AGO2: variants seen among roughly 807,000 people sequenced by gnomAD.
The protein encoded by AGO2 is argonaute RISC catalytic component 2, also known as protein argonaute-2.
AGO2 carries 5 observed loss-of-function variants against 102.3 expected under a neutral mutation model. That is an observed-to-expected ratio of 0.05 (90% CI 0.03 to 0.10). The LOEUF (loss-of-function observed/expected upper bound fraction) is 0.10. Ranked by LOEUF, AGO2 falls within the 10% of genes least tolerant of loss-of-function variation. The pLI is 1.00. For missense variants in AGO2, 541 were observed against 1,183.7 expected, an observed-to-expected ratio of 0.46 and a Z score of 7.97; for synonymous variants, 449 against 473.1, an observed-to-expected ratio of 0.95 and a Z score of 0.66.
At position 140,614,015 on chromosome 8, in the gene AGO2, CAAAAAAAAAAAAA is replaced by C. The variant is rs59000809; in HGVS notation, c.22+21457_22+21469del. Among the ~76,000 whole-genome samples the C allele has an allele frequency of 4.1e-3, 239 of 57,644 alleles. 3 individuals carry two copies. Among genetic ancestry groups the C allele is most frequent in the African/African-American group, 0.016 (225 of 14,026 alleles). The allele number at this position is 57,644 out of a possible 152,430, so 37.8% of individuals were successfully genotyped here. ...TGGGCAACAGAGCAAGACCCTGTCT[CAAAAAAAAAAAAA>C]AAAAAAAAAAAAGGCCAGACACGGT... On this transcript the variant is annotated intron_variant, in intron 1 of 18. Transcript: ENST00000220592.
At chr8:140,563,960 T>C (rs1242806501) in intron 3 of AGO2, among the ~76,000 whole-genome samples, 2 of 152,214 alleles carry the variant, frequency 1.3e-5, no homozygotes, top group African/African-American at 2.4e-5. Flanking sequence ...CCTGCACACC[T>C]GGGTCCCAGG....
rs747025316 is a variant in AGO2 at position 140,555,944 on chromosome 8, G to A, written c.1221C>T (p.Asp407=). The A allele has an allele frequency of 2.3e-5, 37 of 1,614,082 alleles. No homozygotes were observed. In the South Asian group the frequency reaches 2.3e-4, roughly 10 times the overall value. ...GCGGCTGCAGCACCCGCCCAGTCAC[G>A]TCTGTCATCTCATCTTTGACCATGA... ...FGIMVKDEMT[D]VTGRVLQPPS... is the part of the protein sequence containing the mutation. The change falls in exon 10 of 19, where the codon GAC becomes GAT. Residue 407 remains aspartate, a synonymous_variant. Transcript: ENST00000220592.
intron 1 of AGO2, among the ~76,000 whole-genome samples, chr8:140,605,496 G>A (rs564918975): frequency 7.9e-5 from 12 of 152,358 alleles, no homozygotes; most frequent in Non-Finnish European, 1.6e-4. Flanking sequence ...AGACGGGGGT[G>A]CAGGGCTCTG....
At position 140,635,468 on chromosome 8, in the gene AGO2, C is replaced by G. The variant is rs1312832817; in HGVS notation, c.22+17G>C. The stretch of plus-strand genomic sequence containing the variant: ...CGCGCGAACGGCCGGGCGGGCGCCC[C>G]GAGCGCCAGGACTCACCGGGGCCGG... On this transcript the variant is annotated intron_variant, in intron 1 of 18. Coordinates refer to ENST00000220592, the MANE Select transcript of AGO2 (RefSeq NM_012154.5). 8 of 980,118 alleles carry G rather than the reference C, an allele frequency of 8.2e-6. No homozygotes were observed. The highest frequency in any genetic ancestry group is 9.7e-6 in the Non-Finnish European group (8 of 827,814). The allele number at this position is 980,118 out of a possible 1,614,324, so 60.7% of individuals were successfully genotyped here.
upstream of AGO2, chr8:140,638,291 T>C (rs1445890987): frequency 6.6e-6 from 1 of 152,264 alleles, no homozygotes; most frequent in Non-Finnish European, 1.5e-5. Context: ...AAACATGTTC[T>C]GCACATGATT....
At chr8:140,549,424 G>GT in intron 11 of AGO2, 126 bp from the exon 12 acceptor site, 1 of 920,348 alleles carries the variant, frequency 1.1e-6, no homozygotes. Context: ...GGTCAAAATT[G>GT]TTCTTAAAGT....
intron 1 of AGO2, among the ~76,000 whole-genome samples, chr8:140,617,157 AAAC>A (rs777032450): frequency 5.3e-5 from 8 of 152,202 alleles, no homozygotes; most frequent in Non-Finnish European, 1.0e-4. Flanking sequence ...TATGTAAGAG[AAAC>A]AACAACAACA....
At chr8:140,618,150 G>A (rs572151063) in intron 1 of AGO2, among the ~76,000 whole-genome samples, 1 of 151,952 alleles carries the variant, frequency 6.6e-6, no homozygotes, top group Non-Finnish European at 1.5e-5. Context: ...GTGAAACCCC[G>A]TCTCTACTAA....
chr8:140,591,410 G>A (rs2073744687), intron 1 of AGO2, among the ~76,000 whole-genome samples: 1 of 152,210 alleles, frequency 6.6e-6, no homozygotes, highest in South Asian at 2.1e-4. Flanking sequence ...GCCGACACAG[G>A]CAGCCTGCGC....
intron 1 of AGO2, among the ~76,000 whole-genome samples, chr8:140,602,431 A>G (rs182774558): frequency 6.6e-6 from 1 of 152,378 alleles, no homozygotes; most frequent in East Asian, 1.9e-4. Context: ...ATCTTAAATT[A>G]CAATCACTGT....
intron 1 of AGO2, among the ~76,000 whole-genome samples, chr8:140,612,217 T>C (rs2074088298): frequency 2.1e-5 from 2 of 95,252 alleles, no homozygotes; most frequent in South Asian, 4.0e-4. Context: ...CGAGACTCTG[T>C]CTCAAAAAAA....
At position 140,589,875 on chromosome 8, in the gene AGO2, C is replaced by A. The variant is rs1177574875; in HGVS notation, c.23-4564G>T. ...AGTAGATGCTATCAAGCTGTACTCT[C>A]CTGCTAAAATCAGGACACGAGGGTG... On this transcript the variant is annotated intron_variant, in intron 1 of 18. Transcript: ENST00000220592. This position sits in a 1 kb window ranked among gnomAD's most constrained non-coding sequence, Gnocchi z 4.2. 6.6e-6 allele frequency among the ~76,000 whole-genome samples: 1 copy of A among 152,284 alleles called. No individual in the cohort carries two copies. Among genetic ancestry groups the A allele is most frequent in the African/African-American group, 2.4e-5 (1 of 41,558 alleles).
intron 1 of AGO2, among the ~76,000 whole-genome samples, chr8:140,607,210 T>C (rs2074009164): frequency 6.6e-6 from 1 of 151,298 alleles, no homozygotes; most frequent in Non-Finnish European, 1.5e-5. Context: ...GATCATGTCA[T>C]TGCACTCCAA....
rs2072494273 is a variant in AGO2, at chr8:140,525,781, T to A, written c.*6263A>T. ...GCGCTAACCTCAAGATCGGGCAACA[T>A]ATGGAACCCAAAGAAAGAAGCGAAG... On this transcript the variant is annotated 3_prime_UTR_variant, in exon 19 of 19. Transcript: ENST00000220592. The A allele has an allele frequency of 6.6e-6, 1 of 152,050 alleles. No individual in the cohort carries two copies. Among genetic ancestry groups the A allele is most frequent in the African/African-American group, 2.4e-5 (1 of 41,366 alleles). 9.4% of individuals were successfully genotyped at this position (152,050 alleles called of 1,614,324 possible).
chr8:140,640,014 A>T (rs954752078), upstream of AGO2, among the ~76,000 whole-genome samples: 1 of 149,942 alleles, frequency 6.7e-6, no homozygotes, highest in South Asian at 2.1e-4. Context: ...ATTTTTTTTT[A>T]ATTTTTAATT....
In AGO2 at chr8:140,549,118, C is replaced by G; in HGVS notation, c.1584G>C (p.Val528=). Residue 528 remains valine (V), a synonymous_variant, in exon 12 of 19, where the codon GTG becomes GTC. Coordinates refer to ENST00000220592, the MANE Select transcript of AGO2 (RefSeq NM_012154.5). The part of the protein sequence containing the change: ...VVVILPGKTP[V]YAEVKRVGDT... ...AGCGGGAGCGCCCACACCTACCGTACACGGGCGTCTTGCCGGGCAGGATGA... is the reference window on the plus strand; with the variant it reads ...AGCGGGAGCGCCCACACCTACCGTAGACGGGCGTCTTGCCGGGCAGGATGA... The G allele has an allele frequency of 6.2e-7, 1 of 1,606,942 alleles. No individual in the cohort carries two copies.
rs763194918 is a variant in AGO2, at chr8:140,532,201, C to T, written c.2472-49G>A. On this transcript the variant is annotated intron_variant, in intron 18 of 18. Coordinates refer to ENST00000220592, the MANE Select transcript of AGO2 (RefSeq NM_012154.5). The stretch of plus-strand genomic sequence containing the variant: ...AATGAGAATGTGCAGCCTTAATGCA[C>T]GATGAGGCAGTGCGTCGATCACTAA... 4.1e-5 allele frequency: 64 copies of T among 1,555,380 alleles called. No homozygotes were observed. In the East Asian group the frequency reaches 1.2e-3, roughly 30 times the overall value.
chr8:140,596,842 T>C (rs935161573), intron 1 of AGO2, among the ~76,000 whole-genome samples: 3 of 152,110 alleles, frequency 2.0e-5, no homozygotes, highest in Admixed American at 1.3e-4. Flanking sequence ...GCCCACGTCA[T>C]CGCATGGCTG....
At chr8:140,627,820 G>A (rs1353553618) in intron 1 of AGO2, among the ~76,000 whole-genome samples, 2 of 152,152 alleles carry the variant, frequency 1.3e-5, no homozygotes, top group African/African-American at 2.4e-5. Flanking sequence ...ACTTGTCAGA[G>A]CTCCACGCTT....
Sources: gnomAD v4.1 joint callset for allele counts (sites outside exome capture counted in the v4.1 genomes callset) on GRCh38, gnomAD v4.1.1 for gene constraint, Gnocchi (gnomAD v3.1) non-coding constraint, MANE v1.5 for transcripts, NCBI Gene and HGNC (gene_info 2026-07-23, HGNC 2026-07-21) for gene names.